The following SMCO2 variants were observed in gnomAD, a reference collection of about 807,000 sequenced individuals.
SMCO2 encodes single-pass membrane protein with coiled-coil domains 2.
Under a neutral mutation model 29.5 loss-of-function variants are expected in SMCO2, and 25 were observed. That is an observed-to-expected ratio of 0.85 (90% CI 0.62 to 1.18). The LOEUF (loss-of-function observed/expected upper bound fraction) is 1.18, where lower values mean the gene tolerates loss of function less well. Ranked by LOEUF, SMCO2 falls within the 50% of genes most tolerant of loss-of-function variation. The pLI, the probability that SMCO2 is intolerant of heterozygous loss-of-function variation, is 0.00. For missense variants in SMCO2, 348 were observed against 344.5 expected, an observed-to-expected ratio of 1.01 and a Z score of -0.08; for synonymous variants, 117 against 123.3, an observed-to-expected ratio of 0.95 and a Z score of 0.34.
intron 4 of SMCO2, 95 bp downstream of exon 4, chr12:27,475,008 A>C: frequency 7.1e-7 from 1 of 1,415,660 alleles, no homozygotes. Flanking sequence ...TGGAAGATTT[A>C]AAATCCATAC....
chr12:27,432,562 A>G, the SMCO2 span, among the ~76,000 whole-genome samples: 1 of 152,220 alleles, frequency 6.6e-6, no homozygotes, highest in Non-Finnish European at 1.5e-5. Flanking sequence ...TTCATATTTA[A>G]AAGAGGGATA....
At chr12:27,486,857 T>G (rs760586366) in intron 4 of SMCO2, among the ~76,000 whole-genome samples, 1 of 152,254 alleles carries the variant, frequency 6.6e-6, no homozygotes, top group Non-Finnish European at 1.5e-5. Context: ...TTCTTCTTTA[T>G]TAATTCTCCT....
At chr12:27,426,544 C>T in the SMCO2 span, among the ~76,000 whole-genome samples, 5 of 152,128 alleles carry the variant, frequency 3.3e-5, no homozygotes, top group African/African-American at 9.7e-5. Flanking sequence ...ATTAAATTAG[C>T]TTATGTAAAG....
At chr12:27,479,824 C>T (rs1442760194) in intron 4 of SMCO2, among the ~76,000 whole-genome samples, 1 of 152,218 alleles carries the variant, frequency 6.6e-6, no homozygotes, top group Admixed American at 6.5e-5. Flanking sequence ...GAGGCTTCCC[C>T]AGCCATGTGG....
chr12:27,495,018 A>G (rs1942980671), intron 6 of SMCO2, among the ~76,000 whole-genome samples: 1 of 152,062 alleles, frequency 6.6e-6, no homozygotes, highest in Non-Finnish European at 1.5e-5. Context: ...CATTACCTCA[A>G]AAAATAACTC....
chr12:27,457,930 C>G, the SMCO2 span, among the ~76,000 whole-genome samples: 3 of 152,150 alleles, frequency 2.0e-5, no homozygotes, highest in African/African-American at 7.2e-5. Flanking sequence ...CTATCTCATT[C>G]TTTTTTGTTT....
chr12:27,487,536 G>A (rs750479393), intron 4 of SMCO2, among the ~76,000 whole-genome samples: 22 of 152,146 alleles, frequency 1.4e-4, no homozygotes, highest in East Asian at 1.2e-3. Flanking sequence ...TTGAATATAC[G>A]CGTACTATGG....
At chr12:27,462,873 C>T (rs1324548728), upstream of SMCO2, among the ~76,000 whole-genome samples, 1 of 152,212 alleles carries the variant, frequency 6.6e-6, no homozygotes, top group South Asian at 2.1e-4. Flanking sequence ...TCTGGGCCCT[C>T]GGCGAAGCCT....
intron 2 of SMCO2, 125 bp from the exon 3 acceptor site, chr12:27,472,651 G>A (rs948472239): frequency 1.2e-5 from 7 of 608,190 alleles, no homozygotes; most frequent in African/African-American, 1.9e-5. Flanking sequence ...TCAGTACAAG[G>A]ATAGCAGATG....
At chr12:27,471,559 C>G (rs1168062570) in intron 2 of SMCO2, among the ~76,000 whole-genome samples, 2 of 152,150 alleles carry the variant, frequency 1.3e-5, no homozygotes, top group African/African-American at 4.8e-5. Context: ...CATATAGGCT[C>G]TCTCCAGCAA....
the SMCO2 span, among the ~76,000 whole-genome samples, chr12:27,452,054 C>T: frequency 6.6e-6 from 1 of 152,118 alleles, no homozygotes; most frequent in Non-Finnish European, 1.5e-5. Flanking sequence ...GGACACTGTT[C>T]CAAGGATATT....
At chr12:27,480,700 C>T (rs1949634542) in intron 4 of SMCO2, among the ~76,000 whole-genome samples, 1 of 151,438 alleles carries the variant, frequency 6.6e-6, no homozygotes, top group Non-Finnish European at 1.5e-5. Flanking sequence ...TGTGGCACCT[C>T]TCCCCCCCCT....
At chr12:27,454,583 T>A in the SMCO2 span, among the ~76,000 whole-genome samples, 1 of 152,240 alleles carries the variant, frequency 6.6e-6, no homozygotes, top group South Asian at 2.1e-4. Context: ...AATTTCTTTT[T>A]TTATTATTAT....
At chr12:27,495,804 A>C (rs1433704080) in exon 7 of SMCO2, 2 of 1,536,550 alleles carry the variant, frequency 1.3e-6, no homozygotes, top group Admixed American at 2.0e-5. Context: ...CTGCTTCCTC[A>C]GGCCCCAGCA....
At chr12:27,455,658 C>G in the SMCO2 span, among the ~76,000 whole-genome samples, 1 of 152,152 alleles carries the variant, frequency 6.6e-6, no homozygotes, top group Non-Finnish European at 1.5e-5. Context: ...AAAAGAAGCA[C>G]AAACAAGGAC....
chr12:27,446,214 C>T, the SMCO2 span, among the ~76,000 whole-genome samples: 4 of 152,130 alleles, frequency 2.6e-5, no homozygotes, highest in South Asian at 8.3e-4. Flanking sequence ...TGGTGGCCTT[C>T]TTAATGTGTC....
At chr12:27,488,605 T>A in intron 5 of SMCO2, 58 bp downstream of exon 6, 1 of 1,285,728 alleles carries the variant, frequency 7.8e-7, no homozygotes, top group Non-Finnish European at 1.1e-6. Flanking sequence ...CTTCTTTCCC[T>A]ACTACCTTTC....
chr12:27,477,760 G>C (rs1949602877), intron 4 of SMCO2, among the ~76,000 whole-genome samples: 1 of 145,278 alleles, frequency 6.9e-6, no homozygotes, highest in African/African-American at 2.6e-5. Flanking sequence ...TTCATTCATT[G>C]AATTCTTCAG....
At chr12:27,458,256 A>G in the SMCO2 span, among the ~76,000 whole-genome samples, 2 of 152,202 alleles carry the variant, frequency 1.3e-5, no homozygotes, top group African/African-American at 4.8e-5. Context: ...TGAATAAATT[A>G]AACAGATTAA....
Sources: gnomAD v4.1 joint callset for allele counts (sites outside exome capture counted in the v4.1 genomes callset) on GRCh38, gnomAD v4.1.1 for gene constraint, MANE v1.5 for transcripts, NCBI Gene and HGNC (gene_info 2026-07-23, HGNC 2026-07-21) for gene names.